Variants in ZNF469 observed in about 807,000 individuals in gnomAD.
ZNF469 encodes zinc finger protein 469.
A neutral mutation model predicts 1.0 loss-of-function variants in ZNF469; 1 was observed. That is an observed-to-expected ratio of 1.00 (90% CI 0.35 to 4.73). The LOEUF is 4.73. Among genes scored for constraint, ZNF469 ranks in the 30% most tolerant of loss-of-function variants. ZNF469 has a pLI of 0.16. For synonymous variants in ZNF469, 2,703 were observed against 2,363.4 expected (o/e 1.14, Z -4.17); for missense variants, 6,100 against 5,356.3 (o/e 1.14, Z -4.33).
In ZNF469 at chr16:88,433,965, G is replaced by A; in HGVS notation, c.6495G>A (p.Leu2165=). The A allele has an allele frequency of 6.5e-7, 1 of 1,550,228 alleles. No individual in the cohort carries two copies. The highest frequency in any genetic ancestry group is 8.7e-7 in the Non-Finnish European group (1 of 1,146,918). The part of the protein sequence containing the change: ...SCRDPPGPQQ[L]LACSPAWAPL... ...GGGACCCTCCCGGCCCCCAGCAGCTGCTGGCCTGTTCTCCTGCCTGGGCAC... is the reference window on the plus strand; with the variant it reads ...GGGACCCTCCCGGCCCCCAGCAGCTACTGGCCTGTTCTCCTGCCTGGGCAC... Residue 2165 remains leucine (L), a synonymous_variant, in exon 3 of 3, where the codon CTG becomes CTA. Transcript: ENST00000565624.
At chr16:88,295,448 C>G in the ZNF469 span, among the ~76,000 whole-genome samples, 4 of 147,190 alleles carry the variant, frequency 2.7e-5, no homozygotes, top group Non-Finnish European at 6.0e-5. Flanking sequence ...CAGGATGTGG[C>G]AGGGCTCAGG....
At chr16:88,410,823 G>A (rs2142282921) in intron 1 of ZNF469, among the ~76,000 whole-genome samples, 1 of 152,328 alleles carries the variant, frequency 6.6e-6, no homozygotes, top group Middle Eastern at 3.4e-3. Flanking sequence ...AGGTCATGGT[G>A]AAGTTTGCAG....
At chr16:88,134,097 C>G in the ZNF469 span, among the ~76,000 whole-genome samples, 32 of 150,634 alleles carry the variant, frequency 2.1e-4, no homozygotes, top group African/African-American at 6.8e-4. Flanking sequence ...GTCTCTGTCT[C>G]AATGAATGAA....
chr16:88,370,356 C>T, the ZNF469 span, among the ~76,000 whole-genome samples: 1 of 152,110 alleles, frequency 6.6e-6, no homozygotes, highest in African/African-American at 2.4e-5. Context: ...GGCTCCACCT[C>T]ATGGTGGGCC....
At chr16:88,131,692 G>A in the ZNF469 span, among the ~76,000 whole-genome samples, 3 of 152,240 alleles carry the variant, frequency 2.0e-5, no homozygotes, top group South Asian at 2.1e-4. Context: ...GGGAGGGGCC[G>A]CTCGCAGAAG....
At chr16:88,275,047 G>A in the ZNF469 span, among the ~76,000 whole-genome samples, 272 of 152,350 alleles carry the variant, frequency 1.8e-3, 1 homozygote, top group Middle Eastern at 6.8e-3. Flanking sequence ...TTTCCGGGAA[G>A]CCTGGGTGTC....
chr16:88,233,523 G>A, the ZNF469 span, among the ~76,000 whole-genome samples: 97 of 152,348 alleles, frequency 6.4e-4, 1 homozygote, highest in African/African-American at 2.2e-3. Flanking sequence ...TGGATGCCGT[G>A]TTCTGGAGGT....
Position 88,439,142 on chromosome 16 carries a change from T to A in ZNF469, c.11672T>A (p.Leu3891Gln). The A allele has an allele frequency of 6.4e-7, 1 of 1,550,686 alleles. No individual in the cohort carries two copies. The highest frequency in any genetic ancestry group is 8.7e-7 in the Non-Finnish European group (1 of 1,146,962). ...EPGHTQRKDR[L>Q]GKAFPQGRPL... ...GGCCACACACAGAGGAAGGACAGAC[T>A]GGGCAAGGCCTTCCCCCAGGGGAGA... The change falls in exon 3 of 3, where the codon CTG becomes CAG. Residue 3891 changes from leucine to glutamine, a missense_variant. Physicochemically the swap from Leu to Gln is moderately radical, Grantham distance 113. Transcript: ENST00000565624.
chr16:88,401,465 G>A (rs570632677), intron 1 of ZNF469, among the ~76,000 whole-genome samples: 32 of 152,052 alleles, frequency 2.1e-4, no homozygotes, highest in African/African-American at 5.8e-4. Context: ...ATAGGTGGGT[G>A]GGCAGATGGA....
chr16:88,397,630 T>TAA (rs1481341684), intron 1 of ZNF469, among the ~76,000 whole-genome samples: 38 of 88,720 alleles, frequency 4.3e-4, no homozygotes, highest in African/African-American at 1.9e-3. Context: ...GGTGGATGGA[T>TAA]GGATGGATGG....
At chr16:88,401,801 G>A (rs1427228958) in intron 1 of ZNF469, among the ~76,000 whole-genome samples, 2 of 151,526 alleles carry the variant, frequency 1.3e-5, no homozygotes, top group African/African-American at 4.8e-5. Context: ...ATAGTGGATG[G>A]ATGGATGGTA....
the ZNF469 span, among the ~76,000 whole-genome samples, chr16:88,268,316 T>A: frequency 6.6e-6 from 1 of 152,054 alleles, no homozygotes; most frequent in Non-Finnish European, 1.5e-5. Flanking sequence ...GGTCTGTACA[T>A]CAACAACATT....
the ZNF469 span, among the ~76,000 whole-genome samples, chr16:88,104,996 A>C: frequency 6.6e-6 from 1 of 152,186 alleles, no homozygotes; most frequent in African/African-American, 2.4e-5. Flanking sequence ...CAGGAGGATC[A>C]CTTGAGTCCA....
the ZNF469 span, among the ~76,000 whole-genome samples, chr16:88,134,654 C>A: frequency 6.6e-6 from 1 of 152,186 alleles, no homozygotes; most frequent in Non-Finnish European, 1.5e-5. Context: ...TTCCATCTGC[C>A]GACCCCGTGT....
At chr16:88,148,628 A>G in the ZNF469 span, among the ~76,000 whole-genome samples, 1 of 152,032 alleles carries the variant, frequency 6.6e-6, no homozygotes, top group Non-Finnish European at 1.5e-5. Context: ...CCTTGAGGCA[A>G]ACCCCCTTCC....
chr16:88,103,917 G>A, the ZNF469 span, among the ~76,000 whole-genome samples: 1 of 150,660 alleles, frequency 6.6e-6, no homozygotes, highest in African/African-American at 2.5e-5. Flanking sequence ...GCACGAGGGG[G>A]CAGTGGAATA....
At chr16:88,110,770 C>T in the ZNF469 span, among the ~76,000 whole-genome samples, 12 of 152,318 alleles carry the variant, frequency 7.9e-5, no homozygotes, top group African/African-American at 2.6e-4. Flanking sequence ...GAGTGCTGTG[C>T]GGGTTGGGCA....
At chr16:88,182,518 G>C in the ZNF469 span, among the ~76,000 whole-genome samples, 62 of 152,022 alleles carry the variant, frequency 4.1e-4, 1 homozygote, top group Admixed American at 3.9e-3. Flanking sequence ...TCAAAACAGT[G>C]TGATATTGTC....
chr16:88,435,488 C>G lies in ZNF469; in HGVS notation c.8018C>G (p.Ala2673Gly). 1 of 1,549,068 alleles carries G rather than the reference C, an allele frequency of 6.5e-7. No homozygotes were observed. The highest frequency in any genetic ancestry group is 8.7e-7 in the Non-Finnish European group (1 of 1,146,978). ...TCCCCTGCAATGGCCAGTTACGCAGCCTCTCCGAGCCACTGCCTCTCTGTG... is the reference window on the plus strand; with the variant it reads ...TCCCCTGCAATGGCCAGTTACGCAGGCTCTCCGAGCCACTGCCTCTCTGTG... Reference protein sequence around the residue: ...RPSPAMASYAASPSHCLSVEG... With the variant: ...RPSPAMASYAGSPSHCLSVEG... The change falls in exon 3 of 3, where the codon GCC becomes GGC. Residue 2673 changes from alanine to glycine, a missense_variant. Coordinates refer to ENST00000565624, the MANE Select transcript of ZNF469 (RefSeq NM_001367624.2).
Sources: allele counts gnomAD v4.1 joint callset (sites outside exome capture counted in the v4.1 genomes callset), GRCh38; gene constraint gnomAD v4.1.1; transcripts MANE v1.5; gene names NCBI Gene and HGNC (gene_info 2026-07-23, HGNC 2026-07-21).